Variants in ADAMTS17 observed in about 807,000 individuals in gnomAD.
The protein encoded by ADAMTS17 is A disintegrin and metalloproteinase with thrombospondin motifs 17.
A neutral mutation model predicts 141.5 loss-of-function variants in ADAMTS17; 113 were observed. The observed-to-expected ratio is 0.80, with a 90% CI of 0.69 to 0.93. The LOEUF (loss-of-function observed/expected upper bound fraction) is 0.93. Ranked by LOEUF, ADAMTS17 falls within the 40% of genes least tolerant of loss-of-function variation. ADAMTS17 has a pLI of 0.00. For missense variants in ADAMTS17, 1,659 were observed against 1,517.9 expected (o/e 1.09, Z -1.54); for synonymous variants, 768 against 630.6 (o/e 1.22, Z -3.27).
At chr15:100,299,487 G>A (rs1299587137) in intron 3 of ADAMTS17, among the ~76,000 whole-genome samples, 2 of 148,716 alleles carry the variant, frequency 1.3e-5, no homozygotes, top group Non-Finnish European at 3.0e-5. Context: ...CAGCTTGACA[G>A]TTTTACCTTC....
chr15:100,155,031 G>T, intron 9 of ADAMTS17, 149 bp downstream of exon 9: 1 of 1,118,522 alleles, frequency 8.9e-7, no homozygotes, highest in Non-Finnish European at 1.3e-6. Flanking sequence ...GCCATTATAG[G>T]ACACTCTGCG....
chr15:100,282,057 C>A (rs910514802), intron 3 of ADAMTS17, among the ~76,000 whole-genome samples: 4 of 152,144 alleles, frequency 2.6e-5, no homozygotes, highest in Admixed American at 1.3e-4. Flanking sequence ...TAACCTATAT[C>A]CCTGTAAAAT....
chr15:100,306,495 C>A, intron 3 of ADAMTS17: 3 of 456,028 alleles, frequency 6.6e-6, no homozygotes, highest in Non-Finnish European at 1.3e-5. Flanking sequence ...CACCTCCAGG[C>A]CAGACACATG....
chr15:100,080,734 A>C (rs1236426179), intron 15 of ADAMTS17, among the ~76,000 whole-genome samples: 2 of 152,196 alleles, frequency 1.3e-5, no homozygotes, highest in Admixed American at 6.5e-5. Flanking sequence ...TGTACTAAGA[A>C]AGTATATTTC....
intron 8 of ADAMTS17, among the ~76,000 whole-genome samples, chr15:100,189,537 C>G (rs1186414846): frequency 6.6e-6 from 1 of 152,216 alleles, no homozygotes; most frequent in East Asian, 1.9e-4. Flanking sequence ...CACAGACTCA[C>G]TAGGTGTCAT....
chr15:100,180,951 G>A (rs2040502984), intron 8 of ADAMTS17, among the ~76,000 whole-genome samples: 1 of 152,178 alleles, frequency 6.6e-6, no homozygotes, highest in African/African-American at 2.4e-5. Context: ...CTGTCCAAGA[G>A]CCAGGCACTG....
chr15:100,281,641 C>T (rs572833420), intron 3 of ADAMTS17, among the ~76,000 whole-genome samples: 1 of 152,300 alleles, frequency 6.6e-6, no homozygotes, highest in Non-Finnish European at 1.5e-5. Context: ...ACACCCAACT[C>T]CCACCACAGC....
intron 7 of ADAMTS17, among the ~76,000 whole-genome samples, chr15:100,231,854 G>A (rs1028629617): frequency 3.3e-5 from 5 of 152,202 alleles, no homozygotes; most frequent in Non-Finnish European, 7.3e-5. Context: ...ATCCTCAGGA[G>A]AAGCGAATAA....
rs1555458596 is a variant in ADAMTS17 at position 100,132,172 on chromosome 15, G to A, written c.1576-20C>T. ...GCACCACTGAAACACAGCGGGGAGG[G>A]TCGGGGCCCAGGCACTCAGCAGAGC... On this transcript the variant is annotated intron_variant, in intron 11 of 21. Coordinates refer to ENST00000268070, the MANE Select transcript of ADAMTS17 (RefSeq NM_139057.4). 1 of 1,611,116 alleles carries A rather than the reference G, an allele frequency of 6.2e-7. No homozygotes were observed. Among genetic ancestry groups the A allele is most frequent in the Non-Finnish European group, 8.5e-7 (1 of 1,179,330 alleles).
At chr15:100,050,996 A>G (rs2032092702) in intron 17 of ADAMTS17, among the ~76,000 whole-genome samples, 1 of 152,198 alleles carries the variant, frequency 6.6e-6, no homozygotes, top group South Asian at 2.1e-4. Flanking sequence ...CACCCTGTGG[A>G]CCCTGCAGTG....
chr15:100,251,628 G>A (rs536238570), intron 7 of ADAMTS17, among the ~76,000 whole-genome samples: 80 of 152,358 alleles, frequency 5.3e-4, no homozygotes, highest in Middle Eastern at 6.8e-3. Flanking sequence ...AGGAGGCTGA[G>A]GCAGGAGAAT....
intron 7 of ADAMTS17, among the ~76,000 whole-genome samples, chr15:100,243,050 G>T (rs907280438): frequency 5.3e-5 from 8 of 152,164 alleles, no homozygotes; most frequent in African/African-American, 1.4e-4. Context: ...GACCACTTTA[G>T]GTGCCTCAAG....
chr15:99,981,482 C>T (rs537103607), intron 20 of ADAMTS17, among the ~76,000 whole-genome samples: 1 of 152,336 alleles, frequency 6.6e-6, no homozygotes, highest in East Asian at 1.9e-4. Context: ...ACTGTTCACA[C>T]AGCTGTGGGC....
At chr15:100,049,178 G>A (rs1324380128) in intron 17 of ADAMTS17, among the ~76,000 whole-genome samples, 186 bp from the exon 18 acceptor site, 2 of 152,236 alleles carry the variant, frequency 1.3e-5, no homozygotes, top group African/African-American at 4.8e-5. Context: ...GAGAGTACAA[G>A]ACACAGAAGG....
chr15:100,278,327 C>CAA (rs34991549), intron 4 of ADAMTS17, among the ~76,000 whole-genome samples: 4 of 101,010 alleles, frequency 4.0e-5, no homozygotes, highest in African/African-American at 7.3e-5. Context: ...CATTCTACCA[C>CAA]AAAAAAAAAA....
In ADAMTS17 at chr15:100,162,773, T is replaced by C. The variant is rs191055907; in HGVS notation, c.1182-7453A>G. Among the ~76,000 whole-genome samples the C allele has an allele frequency of 4.2e-3, 599 of 141,852 alleles. 17 individuals carry two copies. The highest frequency in any genetic ancestry group is 0.015 in the African/African-American group (569 of 37,920). 93.1% of individuals were successfully genotyped at this position (141,852 alleles called of 152,430 possible). A position where few individuals can be genotyped will look rare whatever the true frequency, so the allele number is the denominator to read the frequency against. ...CATTATATATAGGCACATATACACATATATATACATATGCACATATACACA... is the reference window on the plus strand; with the variant it reads ...CATTATATATAGGCACATATACACACATATATACATATGCACATATACACA... On this transcript the variant is annotated intron_variant, in intron 8 of 21. Transcript: ENST00000268070.
Position 99,976,048 on chromosome 15 carries a change from G to A in ADAMTS17, c.3124C>T (p.Leu1042Phe). 2 of 1,550,386 alleles carry A rather than the reference G, an allele frequency of 1.3e-6. No homozygotes were observed. Among genetic ancestry groups the A allele is most frequent in the Non-Finnish European group, 1.7e-6 (2 of 1,146,216 alleles). ...INANTITSPR[L>F]AALTYKCTRD... ...CGGGGCCAGTGAAGACACTCACCAA[G>A]GCGGGGGGAGGTGATGGTGTTGGCG... The change falls in exon 21 of 22, where the codon CTT (leucine) becomes TTT (phenylalanine). Residue 1042 changes from leucine (L) to phenylalanine (F), a missense_variant. Transcript: ENST00000268070.
chr15:100,083,331 C>A (rs937386846), intron 15 of ADAMTS17, among the ~76,000 whole-genome samples: 1 of 152,156 alleles, frequency 6.6e-6, no homozygotes, highest in African/African-American at 2.4e-5. Flanking sequence ...TTGTGTTAAG[C>A]CACTGAGATC....
At chr15:100,203,205 G>C (rs887786910) in intron 7 of ADAMTS17, among the ~76,000 whole-genome samples, 3 of 152,140 alleles carry the variant, frequency 2.0e-5, no homozygotes, top group Non-Finnish European at 2.9e-5. Context: ...CCTAAATGGT[G>C]GCTCACTCCA....
Sources: allele counts gnomAD v4.1 joint callset (sites outside exome capture counted in the v4.1 genomes callset), GRCh38; gene constraint gnomAD v4.1.1; transcripts MANE v1.5; gene names NCBI Gene and HGNC (gene_info 2026-07-23, HGNC 2026-07-21).